Variants in PPP1R1C observed in about 807,000 individuals in gnomAD.
PPP1R1C encodes the protein protein phosphatase 1 regulatory inhibitor subunit 1C.
A neutral mutation model predicts 17.4 loss-of-function variants in PPP1R1C; 15 were observed. The observed-to-expected ratio is 0.86, with a 90% CI of 0.58 to 1.33. PPP1R1C has a LOEUF of 1.33. Ranked by LOEUF, PPP1R1C falls within the 40% of genes most tolerant of loss-of-function variation. The probability of loss-of-function intolerance (pLI) is 0.00; values close to 1 mark genes in which losing one functional copy is unlikely to be tolerated. For synonymous variants in PPP1R1C, 35 were observed against 43.1 expected, an observed-to-expected ratio of 0.81 and a Z score of 0.73; for missense variants, 143 against 130.0, an observed-to-expected ratio of 1.10 and a Z score of -0.48.
chr2:182,061,326 G>T, intron 2 of PPP1R1C, 116 bp from the exon 3 acceptor site: 1 of 744,072 alleles, frequency 1.3e-6, no homozygotes, highest in Non-Finnish European at 2.1e-6. Flanking sequence ...GTAAGTTGTA[G>T]TTTTTGTATA....
intron 2 of PPP1R1C, among the ~76,000 whole-genome samples, chr2:182,022,618 G>T (rs185363923): frequency 6.6e-6 from 1 of 152,252 alleles, no homozygotes; most frequent in East Asian, 1.9e-4. Flanking sequence ...TTTGATTAAA[G>T]GTGATTTCTA....
At chr2:182,048,530 A>T (rs984104404) in intron 2 of PPP1R1C, among the ~76,000 whole-genome samples, 3 of 152,262 alleles carry the variant, frequency 2.0e-5, no homozygotes, top group Non-Finnish European at 4.4e-5. Context: ...CACTTTGAAC[A>T]GATTGATTTT....
At chr2:182,046,018 T>A (rs1687332849) in intron 2 of PPP1R1C, among the ~76,000 whole-genome samples, 1 of 152,158 alleles carries the variant, frequency 6.6e-6, no homozygotes, top group African/African-American at 2.4e-5. Flanking sequence ...CATAGTGAAG[T>A]GTTTACTACA....
chr2:182,096,693 C>T (rs1195729604), intron 4 of PPP1R1C, among the ~76,000 whole-genome samples: 1 of 151,930 alleles, frequency 6.6e-6, no homozygotes, highest in Non-Finnish European at 1.5e-5. Context: ...ATTAACATGG[C>T]TGGTTCCTTT....
At chr2:182,066,792 G>A (rs749322626) in intron 4 of PPP1R1C, among the ~76,000 whole-genome samples, 5 of 152,060 alleles carry the variant, frequency 3.3e-5, no homozygotes, top group Admixed American at 6.6e-5. Context: ...TAATACCCAC[G>A]TACATTTCTC....
intron 2 of PPP1R1C, among the ~76,000 whole-genome samples, chr2:182,022,240 G>T (rs1406918199): frequency 6.6e-6 from 1 of 152,150 alleles, no homozygotes; most frequent in Non-Finnish European, 1.5e-5. Context: ...GTCAATTTAT[G>T]TTTTCAATTA....
chr2:182,061,612 A>G (rs1238968704), intron 3 of PPP1R1C, 133 bp downstream of exon 3: 1 of 504,804 alleles, frequency 2.0e-6, no homozygotes, highest in East Asian at 3.6e-5. Flanking sequence ...GACTGAATAA[A>G]CAGTAATATA....
chr2:182,069,990 G>A (rs1302383303), intron 4 of PPP1R1C, among the ~76,000 whole-genome samples: 1 of 152,210 alleles, frequency 6.6e-6, no homozygotes, highest in Admixed American at 6.5e-5. Flanking sequence ...GGATGCAGAG[G>A]TGAAAAGCAG....
At chr2:182,079,847 C>A (rs923226269) in intron 4 of PPP1R1C, among the ~76,000 whole-genome samples, 1 of 152,116 alleles carries the variant, frequency 6.6e-6, no homozygotes, top group African/African-American at 2.4e-5. Flanking sequence ...GAGTGGAACT[C>A]GTTTCTGTCT....
chr2:182,093,692 A>T (rs911778351), intron 4 of PPP1R1C, among the ~76,000 whole-genome samples: 1 of 152,150 alleles, frequency 6.6e-6, no homozygotes, highest in African/African-American at 2.4e-5. Flanking sequence ...AGTTCCACAA[A>T]TCTTTGGCAA....
chr2:181,955,439 G>A (rs572280951), intron 1 of PPP1R1C, among the ~76,000 whole-genome samples: 5 of 152,050 alleles, frequency 3.3e-5, no homozygotes, highest in Admixed American at 6.5e-5. Context: ...TGTAATTATC[G>A]TTTCCCTTTT....
downstream of PPP1R1C, chr2:182,130,342 A>T (rs1372384003): frequency 1.3e-5 from 2 of 152,204 alleles, no homozygotes; most frequent in African/African-American, 4.8e-5. Flanking sequence ...ATTGTGGATT[A>T]TGCTGTAGAT....
intron 4 of PPP1R1C, among the ~76,000 whole-genome samples, chr2:182,087,781 T>C (rs911982279): frequency 6.6e-6 from 1 of 152,240 alleles, no homozygotes; most frequent in Non-Finnish European, 1.5e-5. Flanking sequence ...TGTTCAACCG[T>C]GACACAACTT....
chr2:181,960,087 A>C (rs1316582865), intron 1 of PPP1R1C, among the ~76,000 whole-genome samples: 1 of 152,230 alleles, frequency 6.6e-6, no homozygotes, highest in Non-Finnish European at 1.5e-5. Context: ...ATACCTGTAT[A>C]AAGCATCTGC....
chr2:182,037,074 A>G (rs1437421585), intron 2 of PPP1R1C, among the ~76,000 whole-genome samples: 2 of 152,358 alleles, frequency 1.3e-5, no homozygotes, highest in Admixed American at 6.5e-5. Context: ...ACCATTAAAC[A>G]TATACATAAA....
chr2:182,028,202 T>A (rs2125168537), intron 2 of PPP1R1C, among the ~76,000 whole-genome samples: 1 of 131,134 alleles, frequency 7.6e-6, no homozygotes, highest in East Asian at 2.1e-4. Context: ...TTTTTGTGTC[T>A]CTATTTCCTT....
rs17456788 is a variant in PPP1R1C, at chr2:182,042,138, G to A, written c.143-19304G>A. ...TATGTAGTTGTATTCACTGAAGAAG[G>A]TTTTCTGGAATAGAATAGAAAGTAT... On this transcript the variant is annotated intron_variant, in intron 2 of 4. Coordinates refer to ENST00000682840, the MANE Select transcript of PPP1R1C (RefSeq NM_001080545.3). Among the ~76,000 whole-genome samples, 12 of 152,140 alleles carry A rather than the reference G, an allele frequency of 7.9e-5. No individual in the cohort carries two copies. In the East Asian group the frequency reaches 1.5e-3, roughly 20 times the overall value.
At chr2:182,048,987 G>T (rs1209443392) in intron 2 of PPP1R1C, 1 of 152,150 alleles carries the variant, frequency 6.6e-6, no homozygotes, top group Non-Finnish European at 1.5e-5. Context: ...GAGATCTGAT[G>T]GTAAATTCCT....
intron 5 of PPP1R1C, among the ~76,000 whole-genome samples, chr2:182,125,863 C>T (rs1689860794): frequency 6.6e-6 from 1 of 152,110 alleles, no homozygotes; most frequent in African/African-American, 2.4e-5. Flanking sequence ...AAAGAAACAG[C>T]TCCTGGATTC....
Sources: gnomAD v4.1 joint callset for allele counts (sites outside exome capture counted in the v4.1 genomes callset) on GRCh38, gnomAD v4.1.1 for gene constraint, MANE v1.5 for transcripts, NCBI Gene and HGNC (gene_info 2026-07-23, HGNC 2026-07-21) for gene names.